The following UGGT2 variants were observed in gnomAD, a reference collection of about 807,000 sequenced individuals.
UGGT2 encodes the protein UDP-glucose glycoprotein glucosyltransferase 2.
A neutral mutation model predicts 192.1 loss-of-function variants in UGGT2; 180 were observed. That is an observed-to-expected ratio of 0.94 (90% CI 0.83 to 1.06). The LOEUF (loss-of-function observed/expected upper bound fraction) is 1.06. Ranked by LOEUF, UGGT2 falls within the 50% of genes least tolerant of loss-of-function variation. The probability of loss-of-function intolerance (pLI) is 0.00; values close to 1 mark genes in which losing one functional copy is unlikely to be tolerated. For missense variants in UGGT2, 1,849 were observed against 1,795.7 expected, an observed-to-expected ratio of 1.03 and a Z score of -0.54; for synonymous variants, 580 against 591.0, an observed-to-expected ratio of 0.98 and a Z score of 0.27.
At chr13:95,861,884 C>A (rs549170656) in intron 31 of UGGT2, among the ~76,000 whole-genome samples, 1 of 151,592 alleles carries the variant, frequency 6.6e-6, no homozygotes, top group Non-Finnish European at 1.5e-5. Context: ...CACAACACTA[C>A]GTATCTGGAG....
At chr13:95,915,396 G>T (rs960796530) in intron 20 of UGGT2, among the ~76,000 whole-genome samples, 9 of 152,094 alleles carry the variant, frequency 5.9e-5, no homozygotes, top group African/African-American at 2.2e-4. Flanking sequence ...CTTATTGTCT[G>T]TCTCCCTATG....
intron 38 of UGGT2, among the ~76,000 whole-genome samples, chr13:95,826,050 GTTATAGATTATAAT>G (rs1886012529): frequency 6.6e-6 from 1 of 151,976 alleles, no homozygotes; most frequent in Non-Finnish European, 1.5e-5. Flanking sequence ...TATTAATATA[GTTATAGATTATAAT>G]TTATAATAAA....
chr13:95,989,831 C>T, intron 8 of UGGT2, 142 bp downstream of exon 8: 1 of 487,592 alleles, frequency 2.1e-6, no homozygotes, highest in Non-Finnish European at 3.5e-6. Flanking sequence ...TAGGTATTGC[C>T]ACAAAAAATC....
chr13:96,008,430 A>G (rs1425141631), intron 5 of UGGT2, among the ~76,000 whole-genome samples: 1 of 152,190 alleles, frequency 6.6e-6, no homozygotes, highest in Non-Finnish European at 1.5e-5. Context: ...AGGGAAAGAG[A>G]AAGCAAACTA....
chr13:95,924,426 A>ATTTTTTTTTT (rs2048955414), intron 20 of UGGT2, among the ~76,000 whole-genome samples: 2 of 35,420 alleles, frequency 5.6e-5, no homozygotes, highest in African/African-American at 2.1e-4. Context: ...TTTTTTTTTG[A>ATTTTTTTTTT]AATTTTCCGG....
intron 7 of UGGT2, chr13:95,991,544 T>C (rs1442889417): frequency 2.4e-6 from 1 of 409,420 alleles, no homozygotes; most frequent in Non-Finnish European, 4.9e-6. Flanking sequence ...AATAAATATA[T>C]ATAGTACAGT....
intron 20 of UGGT2, among the ~76,000 whole-genome samples, chr13:95,907,440 G>T (rs2048328232): frequency 9.2e-6 from 1 of 108,692 alleles, no homozygotes; most frequent in Non-Finnish European, 1.9e-5. Context: ...TCTGAGAATG[G>T]ACAGACTGCC....
chr13:95,926,039 C>T, intron 19 of UGGT2, among the ~76,000 whole-genome samples: 1 of 151,778 alleles, frequency 6.6e-6, no homozygotes, highest in East Asian at 1.9e-4. Flanking sequence ...AGAAGAGTAA[C>T]TCATTATATA....
At chr13:95,931,008 C>A (rs148326303) in intron 17 of UGGT2, among the ~76,000 whole-genome samples, 2 of 152,274 alleles carry the variant, frequency 1.3e-5, no homozygotes, top group South Asian at 4.1e-4. Context: ...CGGGTTGCCA[C>A]GGCTGGCTTG....
intron 36 of UGGT2, among the ~76,000 whole-genome samples, chr13:95,837,760 T>C (rs1887466207): frequency 6.6e-6 from 1 of 152,192 alleles, no homozygotes; most frequent in Admixed American, 6.5e-5. Flanking sequence ...CCAGAGATAT[T>C]TGTTTATATT....
In UGGT2 at chr13:95,904,295, CT is replaced by C. The variant is rs1051211541; in HGVS notation, c.2296-1236del. On this transcript the variant is annotated intron_variant, in intron 20 of 38. Transcript: ENST00000376747. ...AAGTAAAAAAGATAATCTATATTAT[CT>C]TTTTTTTATTATTAAACTTTAAGTT... Among the ~76,000 whole-genome samples the C allele has an allele frequency of 3.4e-4, 52 of 151,832 alleles. No homozygotes were observed. In the East Asian group the frequency reaches 3.7e-3, roughly 11 times the overall value.
Position 95,890,861 on chromosome 13 carries a change from C to T in UGGT2, c.2958+1G>A. ...ATTTAGTCTAATTTATATTATCTTA[C>T]AACCAACAACTGTGCCATTTTCTGT... On this transcript the variant is annotated splice_donor_variant, in intron 25 of 38. Coordinates refer to ENST00000376747, the MANE Select transcript of UGGT2 (RefSeq NM_020121.4). LOFTEE classifies it high-confidence loss of function. The T allele has an allele frequency of 1.2e-6, 2 of 1,605,774 alleles. No homozygotes were observed. The highest frequency in any genetic ancestry group is 1.7e-6 in the Non-Finnish European group (2 of 1,176,128).
intron 27 of UGGT2, among the ~76,000 whole-genome samples, chr13:95,883,269 A>G (rs2047545129): frequency 6.6e-6 from 1 of 152,204 alleles, no homozygotes; most frequent in African/African-American, 2.4e-5. Flanking sequence ...ATCTTAACCA[A>G]ATTATTACAG....
intron 9 of UGGT2, chr13:95,985,008 TAG>T (rs1481446527): frequency 6.2e-6 from 1 of 160,230 alleles, no homozygotes; most frequent in African/African-American, 2.4e-5. Context: ...GCCTACAATT[TAG>T]CCATTAAGCA....
chr13:95,927,877 A>T (rs921183288), intron 17 of UGGT2, among the ~76,000 whole-genome samples: 2 of 152,128 alleles, frequency 1.3e-5, no homozygotes, highest in Non-Finnish European at 2.9e-5. Context: ...CTTAACGAAC[A>T]TGCTGCCTTG....
intron 15 of UGGT2, among the ~76,000 whole-genome samples, chr13:95,940,746 C>T (rs1249979058): frequency 2.6e-5 from 4 of 151,098 alleles, no homozygotes; most frequent in East Asian, 1.9e-4. Flanking sequence ...CTTGCCACCA[C>T]ATCTGGATAA....
At chr13:95,952,437 A>T (rs1363041257) in intron 12 of UGGT2, among the ~76,000 whole-genome samples, 1 of 152,206 alleles carries the variant, frequency 6.6e-6, no homozygotes, top group African/African-American at 2.4e-5. Context: ...ATTTGCATAG[A>T]ACCTACTCAC....
intron 5 of UGGT2, among the ~76,000 whole-genome samples, chr13:96,005,843 T>C (rs2051957244): frequency 6.6e-6 from 1 of 152,172 alleles, no homozygotes; most frequent in Non-Finnish European, 1.5e-5. Flanking sequence ...ACATTGTCTT[T>C]GGGGAGCTGT....
intron 2 of UGGT2, among the ~76,000 whole-genome samples, chr13:96,029,919 T>C (rs894367936): frequency 3.9e-5 from 6 of 152,112 alleles, no homozygotes; most frequent in African/African-American, 1.4e-4. Flanking sequence ...GACACGAAAT[T>C]TGGTGTTAGG....
Sources: allele counts gnomAD v4.1 joint callset (sites outside exome capture counted in the v4.1 genomes callset), GRCh38; gene constraint gnomAD v4.1.1; transcripts MANE v1.5; gene names NCBI Gene and HGNC (gene_info 2026-07-23, HGNC 2026-07-21).